The following RACK1 variants were observed in gnomAD, a reference collection of about 807,000 sequenced individuals.
RACK1 encodes the protein receptor for activated C kinase 1.
Under a neutral mutation model 42.2 loss-of-function variants are expected in RACK1, and 3 were observed. The observed-to-expected ratio is 0.07, with a 90% confidence interval of 0.03 to 0.18. RACK1 has a LOEUF of 0.18. RACK1 is among the 10% of genes least tolerant of loss of function. The pLI, the probability that RACK1 is intolerant of heterozygous loss-of-function variation, is 1.00. For missense variants in RACK1, 146 were observed against 403.2 expected, an observed-to-expected ratio of 0.36 and a Z score of 5.46; for synonymous variants, 181 against 154.8, an observed-to-expected ratio of 1.17 and a Z score of -1.25.
chr5:181,239,698 C>A, intron 3 of RACK1, 116 bp from the exon 4 acceptor site: 1 of 656,516 alleles, frequency 1.5e-6, no homozygotes, highest in Non-Finnish European at 2.7e-6. Context: ...AAACCAAGAA[C>A]CCAAACCTTT....
At position 181,237,198 on chromosome 5, in the gene RACK1, C is replaced by T. The variant is rs1036421552; in HGVS notation, c.889-156G>A. On this transcript the variant is annotated intron_variant, in intron 7 of 7. Coordinates refer to ENST00000512805, the MANE Select transcript of RACK1 (RefSeq NM_006098.5). ...GATCCTGGCTCACTACAGCCTTAAG[C>T]CCCTGCAGTTCAAGAGATCCTCCCA... 8.6e-6 allele frequency: 12 copies of T among 1,400,442 alleles called. No homozygotes were observed. In the East Asian group the frequency reaches 2.0e-4, roughly 23 times the overall value. The allele number at this position is 1,400,442 out of a possible 1,614,324, so 86.8% of individuals were successfully genotyped here.
At chr5:181,242,515 C>T (rs1221564611) in intron 1 of RACK1, 170 bp from the exon 2 acceptor site, 3 of 680,578 alleles carry the variant, frequency 4.4e-6, no homozygotes, top group Middle Eastern at 2.4e-4. Flanking sequence ...CTGAGTGGCT[C>T]TATTCCAGAC....
In RACK1 at chr5:181,243,738, G is replaced by T; in HGVS notation, c.63C>A (p.Ile21=). ...LKGHNGWVTQ[I]ATTPQFPDMI... ...TGTCCGGGAACTGCGGGGTAGTAGC[G>T]ATCTGGGTTACCCAGCCGTTGTGGC... Residue 21 remains isoleucine, a synonymous_variant, in exon 1 of 8, where the codon ATC becomes ATA. Coordinates refer to ENST00000512805, the MANE Select transcript of RACK1 (RefSeq NM_006098.5). The T allele has an allele frequency of 6.2e-7, 1 of 1,610,004 alleles. No homozygotes were observed. Among genetic ancestry groups the T allele is most frequent in the Non-Finnish European group, 8.5e-7 (1 of 1,178,326 alleles).
chr5:181,243,465 G>C, intron 1 of RACK1: 9 of 1,482,262 alleles, frequency 6.1e-6, no homozygotes, highest in Non-Finnish European at 8.1e-6. Context: ...CCTCCTAGCA[G>C]CTGCGAGCTG....
At chr5:181,237,092 G>GATTCAGCCCAAGTGAATCTAGAT in intron 7 of RACK1, 50 bp from the exon 8 acceptor site, 1 of 1,609,986 alleles carries the variant, frequency 6.2e-7, no homozygotes, top group East Asian at 2.2e-5. Flanking sequence ...AAATTCTGCA[G>GATTCAGCCCAAGTGAATCTAGAT]TCTCACTAGA....
chr5:181,242,434 G>A (rs1049756177), intron 1 of RACK1, 89 bp from the exon 2 acceptor site: 92 of 878,214 alleles, frequency 1.0e-4, no homozygotes, highest in Non-Finnish European at 1.6e-4. Context: ...AAGGTCATGA[G>A]TGGGTTAACA....
chr5:181,241,692 G>A (rs545899546), intron 2 of RACK1, 53 bp from the exon 3 acceptor site: 35 of 1,579,992 alleles, frequency 2.2e-5, no homozygotes, highest in African/African-American at 1.2e-4. Flanking sequence ...CTCATTCAAC[G>A]GTCAGACTCA....
At chr5:181,238,824 CA>C (rs796554795) in intron 5 of RACK1, 1 of 475,836 alleles carries the variant, frequency 2.1e-6, no homozygotes, top group African/African-American at 2.1e-5. Flanking sequence ...AACAAACAAA[CA>C]AAAAAACAAC....
At chr5:181,242,920 G>T in intron 1 of RACK1, 1 of 328,580 alleles carries the variant, frequency 3.0e-6, no homozygotes, top group South Asian at 2.3e-5. Context: ...AAACTCAGAC[G>T]AACTCAACAG....
intron 6 of RACK1, 152 bp downstream of exon 6, chr5:181,237,947 C>A (rs1582292826): frequency 1.5e-6 from 1 of 670,832 alleles, no homozygotes; most frequent in Non-Finnish European, 2.3e-6. Flanking sequence ...GGACTGCACA[C>A]CACAACAGAG....
At chr5:181,243,542 G>C in intron 1 of RACK1, 150 bp downstream of exon 1, 1 of 1,390,332 alleles carries the variant, frequency 7.2e-7, no homozygotes, top group Non-Finnish European at 9.7e-7. Flanking sequence ...GGGTCCGCAC[G>C]CCCCAATTCA....
At chr5:181,238,867 C>A (rs865775747) in intron 5 of RACK1, 200 bp downstream of exon 5, 2 of 623,468 alleles carry the variant, frequency 3.2e-6, no homozygotes, top group Non-Finnish European at 5.9e-6. Context: ...AGAAAATCAT[C>A]TTTTTCTTCC....
At chr5:181,238,715 T>C (rs527277379) in intron 5 of RACK1, 9 of 366,632 alleles carry the variant, frequency 2.5e-5, no homozygotes, top group Admixed American at 1.1e-4. Flanking sequence ...GATGGGAGAA[T>C]TGCTTGAACC....
chr5:181,242,939 T>C (rs1312974002), intron 1 of RACK1: 6 of 332,232 alleles, frequency 1.8e-5, no homozygotes, highest in Non-Finnish European at 3.5e-5. Flanking sequence ...AGCCACTTTG[T>C]GTCTTCTCTG....
intron 1 of RACK1, chr5:181,243,268 C>A: frequency 7.4e-6 from 10 of 1,353,852 alleles, no homozygotes; most frequent in Non-Finnish European, 9.8e-6. Flanking sequence ...GCCACGAGGT[C>A]CTCTGGAGTC....
At chr5:181,243,511 C>T in intron 1 of RACK1, 181 bp downstream of exon 1, 1 of 1,425,376 alleles carries the variant, frequency 7.0e-7, no homozygotes, top group Non-Finnish European at 9.4e-7. Context: ...ATGTGGTTCG[C>T]CCGGGTTGAG....
chr5:181,239,287 A>G lies in RACK1; in HGVS notation c.526-110T>C, dbSNP rs552692366. On this transcript the variant is annotated intron_variant, in intron 4 of 7. Transcript: ENST00000512805. ...TGGATACGGTAGCCATTTCTCATTC[A>G]GTAACATGTCCTGGCCACTTCACGT... 149 of 808,460 alleles carry G rather than the reference A, an allele frequency of 1.8e-4. No individual in the cohort carries two copies. The South Asian group carries it at 2.0e-3, about 11-fold the overall frequency. 50.1% of individuals were successfully genotyped at this position (808,460 alleles called of 1,614,324 possible). A position where few individuals can be genotyped will look rare whatever the true frequency, so the allele number is the denominator to read the frequency against.
At chr5:181,242,099 A>T (rs1289558351) in intron 2 of RACK1, 75 bp downstream of exon 2, 4 of 1,335,738 alleles carry the variant, frequency 3.0e-6, no homozygotes, top group East Asian at 4.6e-5. Context: ...CCCCTGGGAA[A>T]CCAGCCAATT....
At chr5:181,237,780 G>C in intron 6 of RACK1, 61 bp from the exon 7 acceptor site, 1 of 957,752 alleles carries the variant, frequency 1.0e-6, no homozygotes, top group Non-Finnish European at 1.7e-6. Flanking sequence ...CCTCTTAAAA[G>C]CCCCTCAAGA....
Sources: allele counts gnomAD v4.1 joint callset, GRCh38; gene constraint gnomAD v4.1.1; transcripts MANE v1.5; gene names NCBI Gene and HGNC (gene_info 2026-07-23, HGNC 2026-07-21).